LGR6: variants seen among roughly 807,000 people sequenced by gnomAD.
LGR6 encodes leucine rich repeat containing G protein-coupled receptor 6.
LGR6 carries 45 observed loss-of-function variants against 69.4 expected under a neutral mutation model. The observed-to-expected ratio is 0.65, with a 90% CI of 0.51 to 0.83. The LOEUF is 0.83. Ranked by LOEUF, LGR6 falls within the 40% of genes least tolerant of loss-of-function variation. The pLI, the probability that LGR6 is intolerant of heterozygous loss-of-function variation, is 0.00. For missense variants in LGR6, 1,108 were observed against 1,246.7 expected (o/e 0.89, Z 1.68); for synonymous variants, 538 against 555.0 (o/e 0.97, Z 0.43).
chr1:202,253,740 T>G (rs1414576415), intron 4 of LGR6, among the ~76,000 whole-genome samples: 22 of 141,568 alleles, frequency 1.6e-4, no homozygotes, highest in Admixed American at 2.2e-4. Flanking sequence ...GCGATTCTCC[T>G]GCCTCAGCCT....
rs925035124 is a variant in LGR6 at position 202,214,025 on chromosome 1, G to C, written c.213-11398G>C. 7 of 1,333,442 alleles carry C rather than the reference G, an allele frequency of 5.2e-6. No homozygotes were observed. The African/African-American group carries it at 7.7e-5, about 15-fold the overall frequency. 82.6% of individuals were successfully genotyped at this position (1,333,442 alleles called of 1,614,324 possible). A position where few individuals can be genotyped will look rare whatever the true frequency, so the allele number is the denominator to read the frequency against. ...ACCAAATAGTTCGGGAGTTAGGGAA[G>C]AGGGCAGATGGGTGGGGCGCTATCC... On this transcript the variant is annotated intron_variant, in intron 1 of 17. Transcript: ENST00000367278.
chr1:202,306,716 C>T lies in LGR6; in HGVS notation c.1137-152C>T, dbSNP rs764223989. 1.9e-5 allele frequency: 14 copies of T among 743,516 alleles called. No homozygotes were observed. The East Asian group carries it at 2.4e-4, about 13-fold the overall frequency. The allele number at this position is 743,516 out of a possible 1,614,324, so 46.1% of individuals were successfully genotyped here. On this transcript the variant is annotated intron_variant, in intron 12 of 17. Coordinates refer to ENST00000367278, the MANE Select transcript of LGR6 (RefSeq NM_001017403.2). ...AGGCAACCGGATCCCCTTGTGCTCC[C>T]TTTAATTCTGGTGACTTCCTCGGGC...
At chr1:202,204,424 C>A (rs1356524421) in intron 1 of LGR6, among the ~76,000 whole-genome samples, 1 of 111,990 alleles carries the variant, frequency 8.9e-6, no homozygotes, top group Non-Finnish European at 1.9e-5. Flanking sequence ...CACACACACA[C>A]CTCCAAACAC....
At chr1:202,284,422 G>A (rs927954105) in intron 6 of LGR6, among the ~76,000 whole-genome samples, 2 of 152,204 alleles carry the variant, frequency 1.3e-5, no homozygotes, top group Non-Finnish European at 2.9e-5. Context: ...GTAGGTATTT[G>A]GGGGTGAGTT....
chr1:202,278,739 G>C (rs1469757530), intron 5 of LGR6, among the ~76,000 whole-genome samples: 1 of 152,136 alleles, frequency 6.6e-6, no homozygotes, highest in Non-Finnish European at 1.5e-5. Context: ...TTAAAATCAA[G>C]GGTTGTACAG....
At chr1:202,309,000 C>A in intron 14 of LGR6, 51 bp from the exon 15 acceptor site, 1 of 1,607,348 alleles carries the variant, frequency 6.2e-7, no homozygotes. Flanking sequence ...CAGCCCTGCC[C>A]CCTCAGCAAT....
At position 202,224,342 on chromosome 1, in the gene LGR6, A is replaced by G. The variant is rs1418865507; in HGVS notation, c.213-1081A>G. On this transcript the variant is annotated intron_variant, in intron 1 of 17. Coordinates refer to ENST00000367278, the MANE Select transcript of LGR6 (RefSeq NM_001017403.2). ...GAGGACAGTGACACTGAAACCACCC[A>G]CAGGGTCTGTCAGATAATATGAGCT... is the stretch of plus-strand genomic sequence containing the variant. Among the ~76,000 whole-genome samples, 3 of 152,128 alleles carry G rather than the reference A, an allele frequency of 2.0e-5. No homozygotes were observed. In the East Asian group the frequency reaches 5.8e-4, roughly 29 times the overall value.
At chr1:202,211,792 T>C (rs1659472225) in intron 1 of LGR6, among the ~76,000 whole-genome samples, 1 of 152,134 alleles carries the variant, frequency 6.6e-6, no homozygotes. Flanking sequence ...AAAGAGAACA[T>C]CATCAGCTTT....
At chr1:202,298,238 T>C (rs185167387) in intron 7 of LGR6, among the ~76,000 whole-genome samples, 1 of 152,096 alleles carries the variant, frequency 6.6e-6, no homozygotes, top group East Asian at 1.9e-4. Context: ...TCCAGAGTAA[T>C]GTGGAAAGAT....
At chr1:202,236,451 G>A (rs929437104) in intron 4 of LGR6, 5 of 173,572 alleles carry the variant, frequency 2.9e-5, no homozygotes, top group Non-Finnish European at 4.9e-5. Context: ...CTACTTGGGG[G>A]TGGGACTGTC....
At chr1:202,235,657 CT>C (rs1016729924) in intron 3 of LGR6, among the ~76,000 whole-genome samples, 7 of 152,180 alleles carry the variant, frequency 4.6e-5, no homozygotes, top group Non-Finnish European at 1.0e-4. Flanking sequence ...TTCTTCACCC[CT>C]GCCTCCTCCT....
chr1:202,271,544 C>T (rs1193542926), intron 4 of LGR6, among the ~76,000 whole-genome samples: 1 of 152,100 alleles, frequency 6.6e-6, no homozygotes, highest in South Asian at 2.1e-4. Flanking sequence ...CGGTGGCTCA[C>T]ACCTGTAATC....
intron 2 of LGR6, 78 bp from the exon 3 acceptor site, chr1:202,227,858 T>A: frequency 1.0e-6 from 1 of 988,204 alleles, no homozygotes; most frequent in Non-Finnish European, 1.6e-6. Context: ...TTCCCGTATC[T>A]CAAGACACTT....
intron 3 of LGR6, among the ~76,000 whole-genome samples, chr1:202,229,645 C>A (rs969998474): frequency 2.6e-5 from 4 of 152,382 alleles, no homozygotes; most frequent in Admixed American, 6.5e-5. Flanking sequence ...CTCCCGCCCC[C>A]CTTTCTGCAA....
At chr1:202,282,875 T>G (rs1342840558) in intron 6 of LGR6, among the ~76,000 whole-genome samples, 1 of 152,202 alleles carries the variant, frequency 6.6e-6, no homozygotes, top group Non-Finnish European at 1.5e-5. Flanking sequence ...GAGCACTTGA[T>G]TCCATCACAC....
At chr1:202,254,346 A>G (rs1663572913) in intron 4 of LGR6, among the ~76,000 whole-genome samples, 1 of 152,226 alleles carries the variant, frequency 6.6e-6, no homozygotes, top group African/African-American at 2.4e-5. Context: ...CAGCTCAGGG[A>G]AACTCTGGCT....
chr1:202,241,876 T>C (rs1662240544), intron 4 of LGR6, among the ~76,000 whole-genome samples: 1 of 152,036 alleles, frequency 6.6e-6, no homozygotes, highest in African/African-American at 2.4e-5. Context: ...CACATGAAAC[T>C]AGCAAACATT....
chr1:202,199,180 G>A (rs945430266), intron 1 of LGR6, among the ~76,000 whole-genome samples: 2 of 152,126 alleles, frequency 1.3e-5, no homozygotes, highest in African/African-American at 2.4e-5. Flanking sequence ...CCCCGGGAGA[G>A]CTGCTCAGCT....
At chr1:202,242,795 C>A (rs1310632125) in intron 4 of LGR6, among the ~76,000 whole-genome samples, 1 of 152,208 alleles carries the variant, frequency 6.6e-6, no homozygotes, top group African/African-American at 2.4e-5. Context: ...GACCTCTGGA[C>A]AAGCCCCCCT....
Sources: gnomAD v4.1 joint callset for allele counts (sites outside exome capture counted in the v4.1 genomes callset) on GRCh38, gnomAD v4.1.1 for gene constraint, MANE v1.5 for transcripts, NCBI Gene and HGNC (gene_info 2026-07-23, HGNC 2026-07-21) for gene names.